The following PPP2R3A variants were observed in gnomAD, a reference collection of about 807,000 sequenced individuals.
PPP2R3A encodes the protein serine/threonine-protein phosphatase 2A regulatory subunit B'' subunit alpha.
In PPP2R3A, 80 loss-of-function variants were observed where a neutral mutation model predicts 106.9. The observed-to-expected ratio is 0.75, with a 90% CI of 0.62 to 0.90. The LOEUF (loss-of-function observed/expected upper bound fraction) is 0.90. PPP2R3A is among the 40% of genes least tolerant of loss of function. PPP2R3A has a pLI of 0.00. For synonymous variants in PPP2R3A, 483 were observed against 468.3 expected (o/e 1.03, Z -0.41); for missense variants, 1,386 against 1,350.4 (o/e 1.03, Z -0.41).
At chr3:135,975,759 A>G (rs891562226) in intron 1 of PPP2R3A, among the ~76,000 whole-genome samples, 12 of 152,178 alleles carry the variant, frequency 7.9e-5, no homozygotes, top group African/African-American at 1.4e-4. Context: ...GCTGAGTCAT[A>G]TAATCATATA....
At chr3:136,098,219 G>A (rs571877397) in intron 10 of PPP2R3A, among the ~76,000 whole-genome samples, 5 of 152,338 alleles carry the variant, frequency 3.3e-5, no homozygotes, top group Non-Finnish European at 7.3e-5. Flanking sequence ...TGGAGGCTGA[G>A]GCAAGAGTCT....
rs1454055775 is a variant in PPP2R3A, at chr3:136,041,261, TG to T, written c.2366+300del. ...TTGTTTTTTTTTTTGTTTTTTTTTT[TG>T]TTTTTTTTTTTTTGAGACAGAATGT... On this transcript the variant is annotated intron_variant, in intron 4 of 13. Coordinates refer to ENST00000264977, the MANE Select transcript of PPP2R3A (RefSeq NM_002718.5). Among the ~76,000 whole-genome samples the T allele has an allele frequency of 9.1e-3, 1,107 of 121,756 alleles. 161 individuals carry two copies. Among genetic ancestry groups the T allele is most frequent in the African/African-American group, 0.032 (947 of 29,654 alleles). The allele number at this position is 121,756 out of a possible 152,430, so 79.9% of individuals were successfully genotyped here. A position where few individuals can be genotyped will look rare whatever the true frequency, so the allele number is the denominator to read the frequency against.
At position 136,049,339 on chromosome 3, in the gene PPP2R3A, A is replaced by T. The variant is rs940241725; in HGVS notation, c.2447A>T (p.Glu816Val). Residue 816 changes from glutamate to valine, a missense_variant, in exon 5 of 14, where the codon GAG becomes GTG. Glu to Val is a moderately radical substitution (Grantham distance 121, BLOSUM62 -2). Transcript: ENST00000264977. ...CCCAACTGCAGCTCTCTAGAACAGG[A>T]GGATTTCATCCCTCTACTTCAGGTA... ...AKPNCSSLEQ[E>V]DFIPLLQDVV... 2.0e-5 allele frequency: 32 copies of T among 1,612,350 alleles called. No homozygotes were observed. The highest frequency in any genetic ancestry group is 5.0e-5 in the Admixed American group (3 of 59,864).
At chr3:135,988,420 T>C (rs1933017733) in intron 1 of PPP2R3A, among the ~76,000 whole-genome samples, 1 of 152,166 alleles carries the variant, frequency 6.6e-6, no homozygotes. Context: ...ATCTTTTGCC[T>C]GGATTATTCT....
rs532744312 is a variant in PPP2R3A at position 135,979,486 on chromosome 3, T to C, written c.-441+13637T>C. Among the ~76,000 whole-genome samples the C allele has an allele frequency of 1.6e-4, 24 of 152,002 alleles. 1 individual carries two copies. The South Asian group carries it at 5.0e-3, about 31-fold the overall frequency. On this transcript the variant is annotated intron_variant, in intron 1 of 13. Transcript: ENST00000264977. ...ATGTCCGATTGGATCTGGATTCAGA[T>C]TGGCCAGCCTGGAAAAGACATACCG...
rs976200881 is a variant in PPP2R3A, at chr3:136,002,859, A to G, written c.1361A>G (p.His454Arg). ...GAACATAGAGCAGAATTTCCAGAAC[A>G]TGCTACTCATCTTAAAAAATGCCCC... is the stretch of plus-strand genomic sequence containing the variant. ...VNEHRAEFPE[H>R]ATHLKKCPTP... The change falls in exon 2 of 14, where the codon CAT becomes CGT. Residue 454 changes from histidine (H) to arginine (R), a missense_variant. Transcript: ENST00000264977. 1 of 1,613,982 alleles carries G rather than the reference A, an allele frequency of 6.2e-7. No homozygotes were observed. Among genetic ancestry groups the G allele is most frequent in the Admixed American group, 1.7e-5 (1 of 59,994 alleles).
chr3:136,052,723 C>T (rs1280043420), intron 5 of PPP2R3A, among the ~76,000 whole-genome samples: 3 of 152,138 alleles, frequency 2.0e-5, no homozygotes, highest in Non-Finnish European at 4.4e-5. Flanking sequence ...TATGAGTTAA[C>T]AGACATTTAT....
chr3:136,026,979 C>G lies in PPP2R3A; in HGVS notation c.2143C>G (p.Pro715Ala), dbSNP rs762026721. ...CATAAACATTCCACGGTTCTACTTT[C>G]CTGAAGGACTCCCAGATACCTGTAG... ...LSINIPRFYF[P>A]EGLPDTCSNH... The change falls in exon 3 of 14, where the codon CCT becomes GCT. Residue 715 changes from proline to alanine, a missense_variant. Pro to Ala is a conservative substitution (Grantham distance 27). Coordinates refer to ENST00000264977, the MANE Select transcript of PPP2R3A (RefSeq NM_002718.5). The G allele has an allele frequency of 2.0e-5, 32 of 1,613,350 alleles. No homozygotes were observed. The highest frequency in any genetic ancestry group is 2.5e-5 in the Non-Finnish European group (29 of 1,179,454).
intron 2 of PPP2R3A, among the ~76,000 whole-genome samples, chr3:136,017,270 T>G (rs1056788875): frequency 1.3e-5 from 2 of 152,212 alleles, no homozygotes; most frequent in African/African-American, 4.8e-5. Flanking sequence ...ATGTTGACTT[T>G]AGATAACCTG....
At chr3:136,093,922 A>G (rs1413588994) in intron 10 of PPP2R3A, among the ~76,000 whole-genome samples, 1 of 152,240 alleles carries the variant, frequency 6.6e-6, no homozygotes. Context: ...ATGTCCACAC[A>G]AAAACTTGTA....
intron 1 of PPP2R3A, among the ~76,000 whole-genome samples, chr3:135,973,876 C>T (rs1559846133): frequency 6.6e-6 from 1 of 152,004 alleles, no homozygotes; most frequent in Non-Finnish European, 1.5e-5. Context: ...CTTTGCATTC[C>T]CCTCTCAATT....
chr3:136,032,972 T>C (rs1255773474), intron 3 of PPP2R3A, among the ~76,000 whole-genome samples: 1 of 152,226 alleles, frequency 6.6e-6, no homozygotes, highest in Non-Finnish European at 1.5e-5. Flanking sequence ...GAGGGAATGC[T>C]TTCCACTTTT....
At chr3:136,078,223 G>A in intron 6 of PPP2R3A, 144 bp from the exon 7 acceptor site, 2 of 642,332 alleles carry the variant, frequency 3.1e-6, no homozygotes, top group Non-Finnish European at 5.5e-6. Flanking sequence ...AAAATACAGT[G>A]CTGATTTTTA....
At position 136,027,143 on chromosome 3, in the gene PPP2R3A, A is replaced by T. The variant is rs889615989; in HGVS notation, c.2262+45A>T. 8 of 1,528,102 alleles carry T rather than the reference A, an allele frequency of 5.2e-6. No homozygotes were observed. The Admixed American group carries it at 9.1e-5, about 17-fold the overall frequency. 94.7% of individuals were successfully genotyped at this position (1,528,102 alleles called of 1,614,324 possible). The stretch of plus-strand genomic sequence containing the variant: ...ATTTACAATCTCCCCTTCTTTAGAA[A>T]CCCTGATCCCCTCCCCTTCTCTAGA... On this transcript the variant is annotated intron_variant, in intron 3 of 13. Transcript: ENST00000264977.
Position 136,002,042 on chromosome 3 carries a change from G to C in PPP2R3A, c.544G>C (p.Val182Leu). ...CTTTGGTTTACTGCGGAGTTCCTCA[G>C]TTGAGGAAAAACCTTTGTCTCATAG... Reference protein sequence around the residue: ...PSFGLLRSSSVEEKPLSHRNS... With the variant: ...PSFGLLRSSSLEEKPLSHRNS... The change falls in exon 2 of 14, where the codon GTT becomes CTT. Residue 182 changes from valine (V) to leucine (L), a missense_variant. Physicochemically the swap from Val to Leu is conservative, Grantham distance 32. Transcript: ENST00000264977. 6.2e-7 allele frequency: 1 copy of C among 1,613,908 alleles called. No individual in the cohort carries two copies. The highest frequency in any genetic ancestry group is 8.5e-7 in the Non-Finnish European group (1 of 1,179,938).
chr3:136,119,593 C>T (rs1467227297), intron 13 of PPP2R3A, among the ~76,000 whole-genome samples: 1 of 152,080 alleles, frequency 6.6e-6, no homozygotes, highest in African/African-American at 2.4e-5. Flanking sequence ...ATGCAGCCAA[C>T]AAACATATGA....
chr3:136,137,057 G>A (rs1049809660), intron 13 of PPP2R3A, among the ~76,000 whole-genome samples: 1 of 152,106 alleles, frequency 6.6e-6, no homozygotes, highest in African/African-American at 2.4e-5. Flanking sequence ...CTTAATCCAA[G>A]TCAACTAAAT....
intron 5 of PPP2R3A, chr3:136,055,748 G>T: frequency 3.0e-6 from 2 of 662,662 alleles, no homozygotes; most frequent in South Asian, 2.1e-5. Flanking sequence ...TCATCTTTAT[G>T]GAATGTGGTG....
chr3:136,047,873 C>T (rs1230962346), intron 4 of PPP2R3A, among the ~76,000 whole-genome samples: 2 of 151,716 alleles, frequency 1.3e-5, no homozygotes, highest in African/African-American at 4.8e-5. Context: ...CCACTGCACT[C>T]CAGCGTAGGC....
Sources: allele counts gnomAD v4.1 joint callset (sites outside exome capture counted in the v4.1 genomes callset), GRCh38; gene constraint gnomAD v4.1.1; transcripts MANE v1.5; gene names NCBI Gene and HGNC (gene_info 2026-07-23, HGNC 2026-07-21).